Variants in TBC1D4 observed in about 807,000 individuals in gnomAD.
TBC1D4 encodes the protein TBC (Tre-2, BUB2, CDC16) domain-containing protein.
In TBC1D4, 121 loss-of-function variants were observed where a neutral mutation model predicts 142.5. The observed-to-expected ratio is 0.85, with a 90% CI of 0.73 to 0.99. TBC1D4 has a LOEUF of 0.99. Ranked by LOEUF, TBC1D4 falls within the 50% of genes least tolerant of loss-of-function variation. The pLI is 0.00. For missense variants in TBC1D4, 1,475 were observed against 1,606.6 expected, an observed-to-expected ratio of 0.92 and a Z score of 1.40; for synonymous variants, 630 against 628.2, an observed-to-expected ratio of 1.00 and a Z score of -0.04.
intron 5 of TBC1D4, among the ~76,000 whole-genome samples, chr13:75,348,800 G>C (rs1184472444): frequency 6.6e-6 from 1 of 152,144 alleles, no homozygotes; most frequent in African/African-American, 2.4e-5. Context: ...TTCTGTGATG[G>C]TTTTGTCTCT....
intron 1 of TBC1D4, among the ~76,000 whole-genome samples, chr13:75,398,040 G>A (rs1884890016): frequency 1.3e-5 from 2 of 152,174 alleles, no homozygotes; most frequent in Admixed American, 1.3e-4. Flanking sequence ...GCAGCATAGA[G>A]GCCAAATGGA....
Position 75,286,858 on chromosome 13 carries a change from AC to A in TBC1D4, c.3830del (p.Cys1277LeufsTer5). ...AGTTTAGGTCTCTCAGCAACAGGTC[AC>A]AATTGACTAGAGCATCCGCGGGCAG... The part of the protein sequence containing the change: ...KLLPADALVN[C>X]DLLLRDLNCN... On this transcript the variant is annotated frameshift_variant, in exon 21 of 21. Transcript: ENST00000377636. LOFTEE classifies it high-confidence loss of function. The A allele has an allele frequency of 6.2e-7, 1 of 1,613,972 alleles. No individual in the cohort carries two copies. Among genetic ancestry groups the A allele is most frequent in the African/African-American group, 1.3e-5 (1 of 75,034 alleles).
At chr13:75,394,719 T>C (rs936308900) in intron 1 of TBC1D4, among the ~76,000 whole-genome samples, 26 of 152,374 alleles carry the variant, frequency 1.7e-4, no homozygotes, top group African/African-American at 5.5e-4. Context: ...CATTTGTTCA[T>C]TGTTACTTCT....
At chr13:75,414,169 G>C (rs187484977) in intron 1 of TBC1D4, among the ~76,000 whole-genome samples, 1 of 152,206 alleles carries the variant, frequency 6.6e-6, no homozygotes, top group Non-Finnish European at 1.5e-5. Context: ...GTCAGAGGGA[G>C]GGTGGTAGGC....
Position 75,362,567 on chromosome 13 carries a change from G to A in TBC1D4, c.539C>T (p.Ala180Val), listed in dbSNP as rs781673143. Residue 180 changes from alanine (A) to valine (V), a missense_variant, in exon 2 of 21, where the codon GCG (alanine) becomes GTG (valine). Transcript: ENST00000377636. The surrounding 1 kb of genome is among the most constrained non-coding windows in gnomAD (Gnocchi z 4.2). ...VISSIRQLSK[A>V]AMKEDAKPSK... ...GGGTTTGGCATCCTCTTTCATGGCC[G>A]CTTTAGATAATTGCCTTATGCTGCT... 23 of 1,614,012 alleles carry A rather than the reference G, an allele frequency of 1.4e-5. No homozygotes were observed. The highest frequency in any genetic ancestry group is 5.0e-5 in the Admixed American group (3 of 60,002).
intron 3 of TBC1D4, among the ~76,000 whole-genome samples, chr13:75,358,072 G>C (rs889181372): frequency 5.9e-5 from 9 of 152,026 alleles, no homozygotes; most frequent in African/African-American, 2.2e-4. Context: ...AGTGTGGGGT[G>C]GGAGGCACAG....
At chr13:75,310,811 C>T (rs1293074283) in intron 13 of TBC1D4, among the ~76,000 whole-genome samples, 1 of 152,130 alleles carries the variant, frequency 6.6e-6, no homozygotes, top group Non-Finnish European at 1.5e-5. Context: ...CCACCCTCCA[C>T]CCTCAAGGGG....
rs1053575001 is a variant in TBC1D4, at chr13:75,283,962, A to G, written c.*2830T>C. The stretch of plus-strand genomic sequence containing the variant: ...GCCCAGGCTAGAGTGCAGTGGCATG[A>G]TGGCTCACTGCAAGCTCACTGCAAG... On this transcript the variant is annotated 3_prime_UTR_variant, in exon 21 of 21. Coordinates refer to ENST00000377636, the MANE Select transcript of TBC1D4 (RefSeq NM_014832.5). Among the ~76,000 whole-genome samples the G allele has an allele frequency of 2.0e-5, 3 of 151,976 alleles. No homozygotes were observed. Among genetic ancestry groups the G allele is most frequent in the Admixed American group, 2.0e-4 (3 of 15,250 alleles).
chr13:75,332,031 G>A (rs1236642872), intron 8 of TBC1D4, among the ~76,000 whole-genome samples: 1 of 152,168 alleles, frequency 6.6e-6, no homozygotes, highest in African/African-American at 2.4e-5. Context: ...AAAAGCTACA[G>A]TATCCACCTT....
intron 1 of TBC1D4, among the ~76,000 whole-genome samples, chr13:75,393,803 T>G (rs529717961): frequency 6.6e-6 from 1 of 152,020 alleles, no homozygotes; most frequent in South Asian, 2.1e-4. Flanking sequence ...TGGTGGCACA[T>G]GCCTGTAATC....
intron 1 of TBC1D4, among the ~76,000 whole-genome samples, chr13:75,402,559 A>G (rs1416400593): frequency 6.6e-6 from 1 of 152,094 alleles, no homozygotes; most frequent in East Asian, 1.9e-4. Flanking sequence ...CATTTAAAAG[A>G]TCATTTGTCT....
chr13:75,413,930 T>A (rs1885798679), intron 1 of TBC1D4, among the ~76,000 whole-genome samples: 1 of 152,138 alleles, frequency 6.6e-6, no homozygotes, highest in Non-Finnish European at 1.5e-5. Flanking sequence ...TTGATTGGGG[T>A]TCCATGATGT....
chr13:75,330,499 C>T (rs1348571298), intron 8 of TBC1D4, among the ~76,000 whole-genome samples: 1 of 152,192 alleles, frequency 6.6e-6, no homozygotes, highest in East Asian at 1.9e-4. Flanking sequence ...AATCCTCATA[C>T]CAGTTGTGAG....
chr13:75,480,041 A>AC lies in TBC1D4; in HGVS notation c.498+1228_498+1229insG, dbSNP rs1034889019. On this transcript the variant is annotated intron_variant, in intron 1 of 20. Transcript: ENST00000377636. ...AGCAAGACTCCGTCTCAAAAAAAAA[A>AC]AACCTATTTTTCAAAGTAACTGATG... Among the ~76,000 whole-genome samples, 6 of 151,934 alleles carry AC rather than the reference A, an allele frequency of 3.9e-5. 1 individual carries two copies. Among genetic ancestry groups the AC allele is most frequent in the Non-Finnish European group, 8.8e-5 (6 of 67,998 alleles).
intron 10 of TBC1D4, 132 bp from the exon 11 acceptor site, chr13:75,324,533 T>TACATGAAAAAAA (rs761374016): frequency 4.3e-4 from 454 of 1,052,624 alleles, no homozygotes; most frequent in Non-Finnish European, 1.8e-4. Flanking sequence ...GGCTGGATCT[T>TACATGAAAAAAA]ACATGAAAAA....
Position 75,287,038 on chromosome 13 carries a change from G to GAA in TBC1D4, c.3664-15_3664-14dup, listed in dbSNP as rs35186786. ...TAGTATGAGCTACCTGTTTGGGGGGGAAAAAATCCTCCAAATCAAATGATT... is the reference window on the plus strand; with the variant it reads ...TAGTATGAGCTACCTGTTTGGGGGGGAAAAAAAATCCTCCAAATCAAATGATT... On this transcript the variant is annotated splice_polypyrimidine_tract_variant and intron_variant, in intron 20 of 20. Coordinates refer to ENST00000377636, the MANE Select transcript of TBC1D4 (RefSeq NM_014832.5). 2 of 1,603,982 alleles carry GAA rather than the reference G, an allele frequency of 1.2e-6. No homozygotes were observed. Among genetic ancestry groups the GAA allele is most frequent in the African/African-American group, 2.7e-5 (2 of 74,416 alleles).
rs1250462571 is a variant in TBC1D4, at chr13:75,294,903, G to A, written c.3267C>T (p.Leu1089=). The A allele has an allele frequency of 3.1e-6, 5 of 1,613,858 alleles. No homozygotes were observed. Among genetic ancestry groups the A allele is most frequent in the Non-Finnish European group, 4.2e-6 (5 of 1,179,914 alleles). ...ATGAAAACTGAGAGGCAAACAATGTGAGGAACCAGGGGGCAGCATAAAGAC... is the reference window on the plus strand; with the variant it reads ...ATGAAAACTGAGAGGCAAACAATGTAAGGAACCAGGGGGCAGCATAAAGAC... ...SPSLYAAPWF[L]TLFASQFSLG... is the part of the protein sequence containing the mutation. Residue 1089 remains leucine (L), a synonymous_variant, in exon 18 of 21, where the codon CTC becomes CTT. Coordinates refer to ENST00000377636, the MANE Select transcript of TBC1D4 (RefSeq NM_014832.5).
chr13:75,349,050 T>C, intron 5 of TBC1D4, 120 bp downstream of exon 5: 1 of 1,506,966 alleles, frequency 6.6e-7, no homozygotes, highest in Non-Finnish European at 9.1e-7. Context: ...ACATGAGAAA[T>C]GATTCTTTGG....
At position 75,299,551 on chromosome 13, in the gene TBC1D4, A is replaced by G. The variant is rs952068112; in HGVS notation, c.2935T>C (p.Tyr979His). The change falls in exon 17 of 21, where the codon TAC becomes CAC. Residue 979 changes from tyrosine to histidine, a missense_variant. By Grantham distance (83) the Tyr-to-His change is moderately conservative. Coordinates refer to ENST00000377636, the MANE Select transcript of TBC1D4 (RefSeq NM_014832.5). ...DLGRTFPTHP[Y>H]FSVQLGPGQL... ...CCTGGCCCAAGCTGTACTGAAAAGT[A>G]AGGGTGAGTAGGAAACGTCCTTCCT... 4.3e-6 allele frequency: 7 copies of G among 1,614,086 alleles called. No homozygotes were observed. Among genetic ancestry groups the G allele is most frequent in the South Asian group, 1.1e-5 (1 of 91,094 alleles).
Sources: allele counts gnomAD v4.1 joint callset (sites outside exome capture counted in the v4.1 genomes callset), GRCh38; gene constraint gnomAD v4.1.1; non-coding constraint Gnocchi (gnomAD v3.1); transcripts MANE v1.5; gene names NCBI Gene and HGNC (gene_info 2026-07-23, HGNC 2026-07-21).